Variants in MRPS28 observed in about 807,000 individuals in gnomAD.
MRPS28 encodes the protein mitochondrial ribosomal protein S28.
MRPS28 carries 7 observed loss-of-function variants against 10.8 expected under a neutral mutation model. The ratio of observed to expected loss-of-function variants is 0.65; its 90% CI spans 0.37 to 1.22. The LOEUF (loss-of-function observed/expected upper bound fraction) is 1.22. Ranked by LOEUF, MRPS28 falls within the 50% of genes most tolerant of loss-of-function variation. The probability of loss-of-function intolerance (pLI) is 0.02; values close to 1 mark genes in which losing one functional copy is unlikely to be tolerated. For missense variants in MRPS28, 265 were observed against 232.9 expected, an observed-to-expected ratio of 1.14 and a Z score of -0.90; for synonymous variants, 121 against 93.3, an observed-to-expected ratio of 1.30 and a Z score of -1.71.
chr8:79,946,366 T>C (rs1314984255), intron 2 of MRPS28, among the ~76,000 whole-genome samples: 1 of 152,148 alleles, frequency 6.6e-6, no homozygotes. Context: ...CTGTAACATA[T>C]GCTTTTTTCT....
At chr8:79,930,806 T>TATTCTA (rs1806442171) in intron 2 of MRPS28, among the ~76,000 whole-genome samples, 1 of 152,242 alleles carries the variant, frequency 6.6e-6, no homozygotes, top group Non-Finnish European at 1.5e-5. Context: ...TTCTAAATGC[T>TATTCTA]AATATCTTAT....
intron 2 of MRPS28, chr8:79,958,392 C>T (rs907375271): frequency 3.3e-5 from 23 of 698,402 alleles, no homozygotes; most frequent in Non-Finnish European, 2.9e-5. Flanking sequence ...GTTATCATCA[C>T]TTGTGAAAAT....
intron 2 of MRPS28, among the ~76,000 whole-genome samples, chr8:79,934,342 A>C (rs1405865088): frequency 1.3e-5 from 2 of 152,166 alleles, no homozygotes; most frequent in African/African-American, 4.8e-5. Context: ...GGTTGATTTT[A>C]AGGTTTCCAC....
At chr8:79,924,832 T>C (rs950459856) in intron 2 of MRPS28, among the ~76,000 whole-genome samples, 1 of 152,184 alleles carries the variant, frequency 6.6e-6, no homozygotes, top group Non-Finnish European at 1.5e-5. Flanking sequence ...CCATTCAATC[T>C]GTAAGATGCC....
intron 2 of MRPS28, among the ~76,000 whole-genome samples, chr8:79,988,344 G>A (rs1415114369): frequency 3.3e-5 from 5 of 151,332 alleles, no homozygotes; most frequent in Non-Finnish European, 4.4e-5. Context: ...AATGGGTGCA[G>A]CACACCAGCA....
At chr8:79,921,107 A>T (rs145814624) in intron 2 of MRPS28, among the ~76,000 whole-genome samples, 20 of 151,872 alleles carry the variant, frequency 1.3e-4, no homozygotes, top group African/African-American at 4.6e-4. Flanking sequence ...TGTAGATATG[A>T]GGCATTATTT....
intron 2 of MRPS28, among the ~76,000 whole-genome samples, chr8:79,920,856 C>T (rs190985040): frequency 0.01 from 1,558 of 152,240 alleles, 18 homozygotes; most frequent in African/African-American, 0.015. Flanking sequence ...GACATGAAGT[C>T]CTTGCGCATG....
chr8:79,946,926 T>A (rs1806935221), intron 2 of MRPS28, among the ~76,000 whole-genome samples: 1 of 152,116 alleles, frequency 6.6e-6, no homozygotes, highest in South Asian at 2.1e-4. Context: ...TATACTATAA[T>A]AACAAAAAGT....
chr8:79,996,874 T>C (rs116000600), intron 2 of MRPS28, among the ~76,000 whole-genome samples: 2,657 of 152,208 alleles, frequency 0.017, 77 homozygotes, highest in African/African-American at 0.058. Context: ...CACAGCGGGG[T>C]GAAAAGAAAA....
At chr8:79,958,437 T>C (rs1807285134) in intron 2 of MRPS28, 2 of 670,292 alleles carry the variant, frequency 3.0e-6, no homozygotes, top group East Asian at 5.6e-5. Flanking sequence ...ATGGGACTCC[T>C]GAGTGAAGGA....
At chr8:79,920,049 T>C (rs1465382637) in intron 2 of MRPS28, among the ~76,000 whole-genome samples, 2 of 151,070 alleles carry the variant, frequency 1.3e-5, no homozygotes. Context: ...TGTTTGGTTT[T>C]TTGTCCTTAC....
In MRPS28 at chr8:80,003,125, G is replaced by GT; in HGVS notation, c.268dup (p.Thr90AsnfsTer9). 6.2e-7 allele frequency: 1 copy of GT among 1,610,668 alleles called. No individual in the cohort carries two copies. Among genetic ancestry groups the GT allele is most frequent in the Middle Eastern group, 1.7e-4 (1 of 6,038 alleles). On this transcript the variant is annotated frameshift_variant, in exon 2 of 3. Transcript: ENST00000276585. LOFTEE classifies it high-confidence loss of function. ...TTTATCCTTTGCAGGTCCCATCTGTGTAAGAGGAGAATGTCTCAGCATAGA... is the reference window on the plus strand; with the variant it reads ...TTTATCCTTTGCAGGTCCCATCTGTGTTAAGAGGAGAATGTCTCAGCATAGA...
chr8:79,919,133 T>C lies in MRPS28; in HGVS notation c.411A>G (p.Gly137=), dbSNP rs1810001640. The C allele has an allele frequency of 6.3e-7, 1 of 1,584,970 alleles. No homozygotes were observed. The highest frequency in any genetic ancestry group is 1.2e-5 in the South Asian group (1 of 84,828). The change falls in exon 3 of 3, where the codon GGA becomes GGG. Residue 137 remains glycine (G), a synonymous_variant. Coordinates refer to ENST00000276585, the MANE Select transcript of MRPS28 (RefSeq NM_014018.3). ...PEVDGEKYQK[G]TRVRLRLLDL... is the part of the protein sequence containing the mutation. ...CTAATAGCCGCAACCGGACCCTGGT[T>C]CCTTTCTGGTATTTCCTAAATAGTT... is the stretch of plus-strand genomic sequence containing the variant.
At chr8:79,941,708 G>A (rs1312517323) in intron 2 of MRPS28, among the ~76,000 whole-genome samples, 2 of 152,034 alleles carry the variant, frequency 1.3e-5, no homozygotes, top group Non-Finnish European at 1.5e-5. Context: ...TGAGAAGTTC[G>A]GTTTTAAATG....
rs1457111903 is a variant in MRPS28 at position 79,936,413 on chromosome 8, T to G, written c.396-17265A>C. 2.0e-5 allele frequency among the ~76,000 whole-genome samples: 3 copies of G among 151,974 alleles called. No homozygotes were observed. In the East Asian group the frequency reaches 5.8e-4, roughly 29 times the overall value. On this transcript the variant is annotated intron_variant, in intron 2 of 2. Transcript: ENST00000276585. ...GCAAAGAAGTGGGCTAGTTGAGATT[T>G]TAAATTAGCACTACCTTTCTAAAAG...
chr8:79,930,504 T>TG (rs1336671767), intron 2 of MRPS28, among the ~76,000 whole-genome samples: 1 of 152,236 alleles, frequency 6.6e-6, no homozygotes, highest in East Asian at 1.9e-4. Flanking sequence ...TTTTGCAAAC[T>TG]GGGGGTCTGA....
rs149809574 is a variant in MRPS28, at chr8:80,030,075, C to T, written c.174G>A (p.Arg58=). 3 of 1,613,698 alleles carry T rather than the reference C, an allele frequency of 1.9e-6. No individual in the cohort carries two copies. The highest frequency in any genetic ancestry group is 2.2e-5 in the South Asian group (2 of 91,032). The part of the protein sequence containing the change: ...RAGGFASALE[R]HSELLQKVEP... ...CCACCTTCTGTAGAAGCTCCGAGTG[C>T]CGCTCCAACGCGCTCGCGAAACCGC... is the stretch of plus-strand genomic sequence containing the variant. Residue 58 remains arginine (R), a synonymous_variant, in exon 1 of 3, where the codon CGG becomes CGA. Transcript: ENST00000276585.
At chr8:79,982,642 CCA>C (rs1396422700) in intron 2 of MRPS28, among the ~76,000 whole-genome samples, 1 of 152,156 alleles carries the variant, frequency 6.6e-6, no homozygotes, top group African/African-American at 2.4e-5. Flanking sequence ...GGTCCTATAC[CCA>C]CGGAGTCTCG....
intron 2 of MRPS28, among the ~76,000 whole-genome samples, chr8:79,970,096 T>C (rs1807593687): frequency 6.6e-6 from 1 of 152,206 alleles, no homozygotes; most frequent in South Asian, 2.1e-4. Context: ...CATGATACTT[T>C]GTATACCTTT....
Sources: allele counts gnomAD v4.1 joint callset (sites outside exome capture counted in the v4.1 genomes callset), GRCh38; gene constraint gnomAD v4.1.1; transcripts MANE v1.5; gene names NCBI Gene and HGNC (gene_info 2026-07-23, HGNC 2026-07-21).